Variants in FRMPD4 observed in about 807,000 individuals in gnomAD.
The protein encoded by FRMPD4 is FERM and PDZ domain-containing protein 4.
Under a neutral mutation model 94.1 loss-of-function variants are expected in FRMPD4, and 22 were observed. That is an observed-to-expected ratio of 0.23 (90% CI 0.17 to 0.33). The LOEUF is 0.33. Among genes scored for constraint, FRMPD4 ranks in the 10% least tolerant of loss-of-function variants. The probability of loss-of-function intolerance (pLI) is 1.00; values close to 1 mark genes in which losing one functional copy is unlikely to be tolerated. For missense variants in FRMPD4, 1,111 were observed against 1,339.9 expected, an observed-to-expected ratio of 0.83 and a Z score of 2.67; for synonymous variants, 631 against 548.6, an observed-to-expected ratio of 1.15 and a Z score of -2.10.
In FRMPD4 at chrX:11,859,241, A is replaced by G. The variant is rs5979481; in HGVS notation, c.-160-5845A>G. 3.6e-3 allele frequency among the ~76,000 whole-genome samples: 402 copies of G among 112,070 alleles called. 1 individual carries two copies. Among genetic ancestry groups the G allele is most frequent in the African/African-American group, 0.011 (345 of 30,941 alleles). On this transcript the variant is annotated intron_variant, in intron 1 of 18. Coordinates refer to the FRMPD4 transcript ENST00000640291. ...AGAAGGACAAAATTGCCCAGGATAT[A>G]AATTTTTATTCTCTGCAATAAAGGT...
At chrX:12,173,316 C>T (rs1214104473) in intron 1 of FRMPD4, among the ~76,000 whole-genome samples, 2 of 112,688 alleles carry the variant, frequency 1.8e-5, no homozygotes, top group African/African-American at 3.2e-5. Context: ...TGGGGCATGG[C>T]ATCACAGCCT....
intron 1 of FRMPD4, among the ~76,000 whole-genome samples, chrX:12,153,198 A>G (rs1413323293): frequency 9.0e-6 from 1 of 111,336 alleles, no homozygotes; most frequent in African/African-American, 3.3e-5. Context: ...GGCCTCCCAA[A>G]GTGCTGGGAT....
chrX:12,044,307 G>A (rs1010234925), intron 3 of FRMPD4, among the ~76,000 whole-genome samples: 3 of 112,217 alleles, frequency 2.7e-5, no homozygotes, highest in African/African-American at 9.7e-5. Flanking sequence ...AACTCTGTCA[G>A]TTCATCCTGT....
intron 3 of FRMPD4, among the ~76,000 whole-genome samples, chrX:12,613,357 C>G (rs983997919): frequency 1.8e-5 from 2 of 111,965 alleles, no homozygotes; most frequent in African/African-American, 6.5e-5. Context: ...CCATTCTGAA[C>G]TTGGAAGAGT....
intron 3 of FRMPD4, among the ~76,000 whole-genome samples, chrX:12,088,001 A>C (rs1296119909): frequency 8.9e-6 from 1 of 112,534 alleles, no homozygotes; most frequent in African/African-American, 3.2e-5. Flanking sequence ...TGAAGGGTGT[A>C]AACTCTGGAC....
intron 1 of FRMPD4, among the ~76,000 whole-genome samples, chrX:12,429,975 C>T (rs191513803): frequency 2.7e-5 from 3 of 112,174 alleles, no homozygotes; most frequent in Non-Finnish European, 5.6e-5. Context: ...AGCAGAGACA[C>T]CAGGCCCCAA....
intron 1 of FRMPD4, among the ~76,000 whole-genome samples, chrX:12,354,027 A>G (rs748544594): frequency 8.9e-6 from 1 of 112,295 alleles, no homozygotes; most frequent in South Asian, 3.7e-4. Flanking sequence ...TCTAGAAAGT[A>G]ATAAAGCCAA....
At chrX:12,590,037 C>G (rs928519128) in intron 2 of FRMPD4, among the ~76,000 whole-genome samples, 2 of 104,450 alleles carry the variant, frequency 1.9e-5, no homozygotes, top group African/African-American at 7.0e-5. Context: ...GTAGACGAGG[C>G]TTTATATGAA....
intron 4 of FRMPD4, among the ~76,000 whole-genome samples, chrX:12,660,634 A>G (rs1784223502): frequency 8.9e-6 from 1 of 112,579 alleles, no homozygotes; most frequent in Non-Finnish European, 1.9e-5. Flanking sequence ...CTTTAAAAAC[A>G]TAGTTTTCAA....
chrX:12,215,160 G>A (rs950960705), intron 1 of FRMPD4, among the ~76,000 whole-genome samples: 1 of 111,555 alleles, frequency 9.0e-6, no homozygotes, highest in African/African-American at 3.3e-5. Flanking sequence ...GACTTTTCTC[G>A]AAGTAGGTAT....
At chrX:12,296,985 C>T (rs935439628) in intron 1 of FRMPD4, among the ~76,000 whole-genome samples, 1 of 112,393 alleles carries the variant, frequency 8.9e-6, no homozygotes, top group Non-Finnish European at 1.9e-5. Flanking sequence ...CTGTGTGCTT[C>T]GACAGGTACT....
intron 4 of FRMPD4, among the ~76,000 whole-genome samples, chrX:12,626,341 C>A (rs1279851181): frequency 3.0e-5 from 3 of 99,196 alleles, no homozygotes; most frequent in Non-Finnish European, 6.3e-5. Context: ...AAAAAAAAAT[C>A]AATCCAAAGA....
chrX:12,174,528 T>C (rs2056268968), intron 1 of FRMPD4, among the ~76,000 whole-genome samples: 1 of 111,904 alleles, frequency 8.9e-6, no homozygotes, highest in African/African-American at 3.3e-5. Flanking sequence ...TTTCAAATCA[T>C]TCCTTGCGGT....
chrX:12,146,238 C>T (rs192870904), intron 1 of FRMPD4, among the ~76,000 whole-genome samples: 1 of 110,465 alleles, frequency 9.1e-6, no homozygotes, highest in East Asian at 2.8e-4. Context: ...GTGGCGGGCG[C>T]TTGTAGTCTC....
chrX:12,718,828 C>CT, intron 16 of FRMPD4, 38 bp downstream of exon 16: 4 of 839,600 alleles, frequency 4.8e-6, no homozygotes, highest in Non-Finnish European at 7.0e-6. Flanking sequence ...GTATGACATG[C>CT]CAAGAGCATG....
At chrX:11,868,770 G>T (rs2053738265) in intron 2 of FRMPD4, among the ~76,000 whole-genome samples, 2 of 112,247 alleles carry the variant, frequency 1.8e-5, no homozygotes, top group Non-Finnish European at 3.8e-5. Flanking sequence ...ATCAGGGTTT[G>T]GTAAACCATG....
intron 14 of FRMPD4, among the ~76,000 whole-genome samples, chrX:12,712,811 C>T (rs756764138): frequency 8.9e-6 from 1 of 111,820 alleles, no homozygotes; most frequent in East Asian, 2.8e-4. Flanking sequence ...CATGGTGGCT[C>T]ATGCCTGTAG....
At chrX:11,890,709 G>A (rs1601824403) in intron 3 of FRMPD4, among the ~76,000 whole-genome samples, 1 of 112,767 alleles carries the variant, frequency 8.9e-6, no homozygotes, top group African/African-American at 3.2e-5. Context: ...ACATGGAGAA[G>A]CTGAATTCAA....
chrX:12,568,933 G>A (rs371377258), intron 2 of FRMPD4, among the ~76,000 whole-genome samples: 13 of 111,937 alleles, frequency 1.2e-4, no homozygotes, highest in South Asian at 3.8e-4. Context: ...CATTGTGATC[G>A]TATTAAGAGG....
Sources: allele counts gnomAD v4.1 joint callset (sites outside exome capture counted in the v4.1 genomes callset), GRCh38; gene constraint gnomAD v4.1.1; transcripts MANE v1.5; gene names NCBI Gene and HGNC (gene_info 2026-07-23, HGNC 2026-07-21).